Variants in SNED1 observed in about 807,000 individuals in gnomAD.
SNED1 encodes the protein sushi, nidogen and EGF-like domain-containing protein 1.
In SNED1, 81 loss-of-function variants were observed where a neutral mutation model predicts 166.7. That is an observed-to-expected ratio of 0.49 (90% CI 0.41 to 0.58). The LOEUF (loss-of-function observed/expected upper bound fraction) is 0.58. Among genes scored for constraint, SNED1 ranks in the 20% least tolerant of loss-of-function variants. The pLI, the probability that SNED1 is intolerant of heterozygous loss-of-function variation, is 0.00. For synonymous variants in SNED1, 762 were observed against 822.0 expected, an observed-to-expected ratio of 0.93 and a Z score of 1.25; for missense variants, 1,604 against 2,000.2, an observed-to-expected ratio of 0.80 and a Z score of 3.78.
At chr2:241,067,722 C>T (rs1489964757) in intron 21 of SNED1, 42 bp from the exon 22 acceptor site, 10 of 1,547,178 alleles carry the variant, frequency 6.5e-6, no homozygotes, top group Non-Finnish European at 8.8e-6. Flanking sequence ...CCCCCAGGAG[C>T]AAGGAGGGGC....
chr2:241,029,637 C>T (rs539223987), intron 1 of SNED1, among the ~76,000 whole-genome samples: 6 of 152,354 alleles, frequency 3.9e-5, no homozygotes, highest in African/African-American at 1.2e-4. Flanking sequence ...CTGATGGATG[C>T]GCAGCCAGTG....
chr2:241,070,774 G>A (rs1394621075), intron 24 of SNED1, among the ~76,000 whole-genome samples: 1 of 152,230 alleles, frequency 6.6e-6, no homozygotes, highest in Non-Finnish European at 1.5e-5. Flanking sequence ...GGTCTTCCAA[G>A]TTCACAGAAG....
At chr2:241,045,968 A>C (rs2061633961) in intron 8 of SNED1, among the ~76,000 whole-genome samples, 1 of 152,142 alleles carries the variant, frequency 6.6e-6, no homozygotes, top group Non-Finnish European at 1.5e-5. Flanking sequence ...GTGAGAAAAC[A>C]AACAACCCAA....
intron 1 of SNED1, among the ~76,000 whole-genome samples, chr2:241,020,614 A>C (rs1028441333): frequency 6.6e-6 from 1 of 152,146 alleles, no homozygotes; most frequent in Non-Finnish European, 1.5e-5. Context: ...TTATGTGATC[A>C]AGTTTAAAAC....
At chr2:241,021,902 G>T (rs1447165156) in intron 1 of SNED1, among the ~76,000 whole-genome samples, 2 of 152,108 alleles carry the variant, frequency 1.3e-5, no homozygotes, top group Non-Finnish European at 2.9e-5. Flanking sequence ...AATGTATGAG[G>T]GTTCCAATTT....
intron 16 of SNED1, among the ~76,000 whole-genome samples, chr2:241,057,617 G>C (rs184516431): frequency 6.6e-6 from 1 of 151,670 alleles, no homozygotes; most frequent in Non-Finnish European, 1.5e-5. Context: ...CCAGGAATTC[G>C]AGGCTATAGT....
intron 1 of SNED1, among the ~76,000 whole-genome samples, chr2:241,000,404 C>A (rs543943298): frequency 9.2e-5 from 14 of 152,256 alleles, no homozygotes; most frequent in African/African-American, 3.1e-4. Context: ...CCCTCTGGAC[C>A]GGGACTTGGA....
chr2:241,036,772 C>T lies in SNED1; in HGVS notation c.806-18C>T. ...CGGAGGCAGCGGCTGAGGCTCCAGC[C>T]CCTCCCTATGTCTGCAGCGTCCGTG... On this transcript the variant is annotated intron_variant, in intron 4 of 31. Transcript: ENST00000310397. 2 of 1,605,464 alleles carry T rather than the reference C, an allele frequency of 1.2e-6. No homozygotes were observed. Among genetic ancestry groups the T allele is most frequent in the Non-Finnish European group, 8.5e-7 (1 of 1,179,354 alleles).
chr2:241,012,021 G>A (rs1017685267), intron 1 of SNED1, among the ~76,000 whole-genome samples: 9 of 152,214 alleles, frequency 5.9e-5, no homozygotes, highest in African/African-American at 1.9e-4. Context: ...TGGGCCCGAG[G>A]CCTCTGCACA....
Position 241,064,238 on chromosome 2 carries a change from C to T in SNED1, c.2599+113C>T. The T allele has an allele frequency of 4.2e-6, 3 of 714,696 alleles. No homozygotes were observed. The highest frequency in any genetic ancestry group is 4.5e-6 in the Non-Finnish European group (2 of 448,478). The allele number at this position is 714,696 out of a possible 1,614,324, so 44.3% of individuals were successfully genotyped here. ...CTCCCCGCCCTCTGCCCGCCTGCTC[C>T]CCGCCCTCTGCCCGCCGCCTTGGAA... is the stretch of plus-strand genomic sequence containing the variant. On this transcript the variant is annotated intron_variant, in intron 19 of 31. Transcript: ENST00000310397. The surrounding 1 kb of genome is among the most constrained non-coding windows in gnomAD (Gnocchi z 7.0).
intron 16 of SNED1, among the ~76,000 whole-genome samples, chr2:241,058,180 G>A (rs989045832): frequency 3.9e-5 from 6 of 152,106 alleles, no homozygotes; most frequent in Non-Finnish European, 8.8e-5. Context: ...AAGACGAAAA[G>A]CATCATTAAG....
At chr2:241,090,823 C>T (rs1022299160) in intron 31 of SNED1, among the ~76,000 whole-genome samples, 3 of 150,324 alleles carry the variant, frequency 2.0e-5, no homozygotes, top group Admixed American at 1.3e-4. Context: ...GCTGAGATTG[C>T]GCCACTATAC....
intron 27 of SNED1, among the ~76,000 whole-genome samples, chr2:241,076,567 A>C (rs529565799): frequency 2.6e-5 from 4 of 152,154 alleles, no homozygotes; most frequent in Non-Finnish European, 5.9e-5. Flanking sequence ...TTAAAGATTA[A>C]TTGTTTGCCT....
intron 1 of SNED1, among the ~76,000 whole-genome samples, chr2:241,020,078 T>A (rs1256008960): frequency 6.6e-6 from 1 of 152,196 alleles, no homozygotes; most frequent in East Asian, 1.9e-4. Context: ...AAGAATGTTC[T>A]TAATACTTTT....
chr2:241,037,274 T>C lies in SNED1; in HGVS notation c.966T>C (p.Asn322=). ...AATGTGCCTCCCAGCCCTGTCAGAA[T>C]GGTGGGACCTGTACTCACGGCATCA... is the stretch of plus-strand genomic sequence containing the variant. ...VNECASQPCQ[N]GGTCTHGINS... is the part of the protein sequence containing the mutation. Residue 322 remains asparagine (N), a synonymous_variant, in exon 6 of 32, where the codon AAT becomes AAC. Transcript: ENST00000310397. 6.2e-7 allele frequency: 1 copy of C among 1,611,608 alleles called. No homozygotes were observed. Among genetic ancestry groups the C allele is most frequent in the South Asian group, 1.1e-5 (1 of 90,426 alleles).
chr2:241,048,296 A>C lies in SNED1; in HGVS notation c.1274-19A>C. ...CACATTCCCTGCGTGGCCGCTGGTGACTGCCGTCTTTCTTGCAGGAGACCA... is the reference window on the plus strand; with the variant it reads ...CACATTCCCTGCGTGGCCGCTGGTGCCTGCCGTCTTTCTTGCAGGAGACCA... On this transcript the variant is annotated intron_variant, in intron 8 of 31. Transcript: ENST00000310397. The C allele has an allele frequency of 6.3e-7, 1 of 1,581,030 alleles. No homozygotes were observed. Among genetic ancestry groups the C allele is most frequent in the Non-Finnish European group, 8.6e-7 (1 of 1,166,796 alleles).
Position 241,094,265 on chromosome 2 carries a change from G to C in SNED1, c.*2629G>C. 2.1e-6 allele frequency: 1 copy of C among 468,662 alleles called. No homozygotes were observed. The allele number at this position is 468,662 out of a possible 1,614,324, so 29.0% of individuals were successfully genotyped here. On this transcript the variant is annotated 3_prime_UTR_variant, in exon 32 of 32. Coordinates refer to ENST00000310397, the MANE Select transcript of SNED1 (RefSeq NM_001080437.3). The surrounding 1 kb of genome is among the most constrained non-coding windows in gnomAD (Gnocchi z 4.3). ...CCCAACAGGCAAGGGCCCCACTCAG[G>C]TATCAGCTCACCTCCTGCACCTCCC...
In SNED1 at chr2:241,065,956, G is replaced by T. The variant is rs180957869; in HGVS notation, c.3010+361G>T. 3.3e-3 allele frequency among the ~76,000 whole-genome samples: 497 copies of T among 152,230 alleles called. 3 individuals are homozygous for T. In the Middle Eastern group the frequency reaches 0.041, roughly 13 times the overall value. The stretch of plus-strand genomic sequence containing the variant: ...GACAGGGGCCGCGGGGGTGGGCTTG[G>T]GGGGGCTGGGACTCTGGGGTGCTCT... On this transcript the variant is annotated intron_variant, in intron 21 of 31. Transcript: ENST00000310397.
At chr2:241,065,033 G>C in intron 20 of SNED1, 76 bp downstream of exon 20, 1 of 1,167,828 alleles carries the variant, frequency 8.6e-7, no homozygotes, top group Non-Finnish European at 1.2e-6. Flanking sequence ...CGGTCTCCAA[G>C]GGCAGAGCGT....
Sources: allele counts gnomAD v4.1 joint callset (sites outside exome capture counted in the v4.1 genomes callset), GRCh38; gene constraint gnomAD v4.1.1; non-coding constraint Gnocchi (gnomAD v3.1); transcripts MANE v1.5; gene names NCBI Gene and HGNC (gene_info 2026-07-23, HGNC 2026-07-21).